CCAR1: variants seen among roughly 807,000 people sequenced by gnomAD.
The protein encoded by CCAR1 is cell division cycle and apoptosis regulator protein 1.
A neutral mutation model predicts 163.8 loss-of-function variants in CCAR1; 78 were observed. That is an observed-to-expected ratio of 0.48 (90% CI 0.40 to 0.57). CCAR1 has a LOEUF of 0.57. Ranked by LOEUF, CCAR1 falls within the 20% of genes least tolerant of loss-of-function variation. CCAR1 has a pLI of 0.00. For missense variants in CCAR1, 1,019 were observed against 1,365.2 expected (o/e 0.75, Z 4.00); for synonymous variants, 443 against 460.7 (o/e 0.96, Z 0.49).
At chr10:68,742,140 C>T (rs1254151969) in intron 5 of CCAR1, among the ~76,000 whole-genome samples, 1 of 152,076 alleles carries the variant, frequency 6.6e-6, no homozygotes, top group Non-Finnish European at 1.5e-5. Flanking sequence ...TTTCCTAAGC[C>T]TTTATTATGC....
chr10:68,749,637 G>A lies in CCAR1; in HGVS notation c.1070G>A (p.Arg357His), dbSNP rs767729481. The change falls in exon 10 of 25, where the codon CGT (arginine) becomes CAT (histidine). Residue 357 changes from arginine to histidine, a missense_variant. By Grantham distance (29) the Arg-to-His change is conservative (BLOSUM62 0). Around this residue, in one of 4 missense-constraint regions of CCAR1, gnomAD observed 644 missense variants for 904.4 expected, o/e 0.71. Transcript: ENST00000265872. ...ERERSPRRVR[R>H]VVPRYTVQFS... ...GAGCGATCACCTCGGAGAGTTCGAC[G>A]TGTTGTTCCACGTTACACAGTTCAG... 1.7e-5 allele frequency: 27 copies of A among 1,613,992 alleles called. No homozygotes were observed. Among genetic ancestry groups the A allele is most frequent in the Middle Eastern group, 1.6e-4 (1 of 6,062 alleles).
chr10:68,754,455 G>A (rs749938667), intron 11 of CCAR1, among the ~76,000 whole-genome samples: 7 of 152,152 alleles, frequency 4.6e-5, no homozygotes, highest in Non-Finnish European at 1.0e-4. Flanking sequence ...TTTGTTTAAA[G>A]CATTGTGTGA....
chr10:68,722,999 C>A (rs1444929345), intron 2 of CCAR1, among the ~76,000 whole-genome samples: 1 of 152,022 alleles, frequency 6.6e-6, no homozygotes, highest in East Asian at 1.9e-4. Context: ...ATTGTGAATT[C>A]ATTAACTTTC....
At chr10:68,775,997 A>C (rs1293454107) in intron 19 of CCAR1, among the ~76,000 whole-genome samples, 1 of 150,824 alleles carries the variant, frequency 6.6e-6, no homozygotes, top group Non-Finnish European at 1.5e-5. Flanking sequence ...GCCCAGCCTA[A>C]TTTTTGTATT....
At chr10:68,764,369 A>AC (rs545664146) in intron 16 of CCAR1, among the ~76,000 whole-genome samples, 13 of 144,410 alleles carry the variant, frequency 9.0e-5, no homozygotes, top group African/African-American at 2.9e-4. Flanking sequence ...ACTTCGTGAG[A>AC]CCCCATCTCT....
At chr10:68,754,101 A>C (rs1488479943) in intron 11 of CCAR1, 24 bp downstream of exon 11, 5 of 1,471,838 alleles carry the variant, frequency 3.4e-6, no homozygotes, top group African/African-American at 2.8e-5. Context: ...TGTGATATGC[A>C]GCTTAAATTT....
chr10:68,722,457 C>A lies in CCAR1; in HGVS notation c.-48C>A. 2 of 1,409,608 alleles carry A rather than the reference C, an allele frequency of 1.4e-6. No homozygotes were observed. The highest frequency in any genetic ancestry group is 1.2e-5 in the South Asian group (1 of 86,916). The allele number at this position is 1,409,608 out of a possible 1,614,324, so 87.3% of individuals were successfully genotyped here. ...AATGTGGATCCTTTTCTTGATAGAT[C>A]GATGCTATAGAAGACAAACAAGGGA... On this transcript the variant is annotated splice_region_variant and 5_prime_UTR_variant, in exon 2 of 25. An upstream open reading frame in the 5' UTR gains an earlier in-frame stop. Coordinates refer to ENST00000265872, the MANE Select transcript of CCAR1 (RefSeq NM_018237.4).
At chr10:68,739,990 A>G in intron 4 of CCAR1, among the ~76,000 whole-genome samples, 1 of 152,204 alleles carries the variant, frequency 6.6e-6, no homozygotes, top group East Asian at 1.9e-4. Flanking sequence ...ATTACAGAAA[A>G]ACCATACATC....
intron 19 of CCAR1, among the ~76,000 whole-genome samples, chr10:68,779,975 G>A (rs570666630): frequency 3.9e-4 from 60 of 152,068 alleles, no homozygotes; most frequent in Admixed American, 9.2e-4. Context: ...GAAAAAATAG[G>A]ACATGATCAC....
At chr10:68,721,418 G>C in intron 1 of CCAR1, 136 bp downstream of exon 1, 3 of 294,194 alleles carry the variant, frequency 1.0e-5, no homozygotes, top group South Asian at 4.8e-5. Context: ...TGGGGCTCTT[G>C]TGGGACTGGG....
intron 4 of CCAR1, among the ~76,000 whole-genome samples, chr10:68,738,932 TTAAAA>T (rs1176216436): frequency 6.6e-6 from 1 of 151,966 alleles, no homozygotes. Context: ...CTGTAAAAAA[TTAAAA>T]TAAATAAAAT....
chr10:68,747,818 A>G (rs941168714), intron 8 of CCAR1, among the ~76,000 whole-genome samples: 2 of 152,098 alleles, frequency 1.3e-5, no homozygotes, highest in Non-Finnish European at 1.5e-5. Flanking sequence ...ACCACATCAA[A>G]TGAATTTGCT....
intron 2 of CCAR1, among the ~76,000 whole-genome samples, chr10:68,729,622 G>T (rs1196988523): frequency 6.6e-6 from 1 of 151,344 alleles, no homozygotes; most frequent in Non-Finnish European, 1.5e-5. Flanking sequence ...CTTGATTCCA[G>T]GAGTTTGAGA....
chr10:68,733,873 A>T (rs1386313702), intron 2 of CCAR1, among the ~76,000 whole-genome samples: 1 of 152,116 alleles, frequency 6.6e-6, no homozygotes, highest in Non-Finnish European at 1.5e-5. Context: ...CATGTTGGCC[A>T]TGCTGGTCTC....
intron 17 of CCAR1, among the ~76,000 whole-genome samples, chr10:68,770,167 CT>C (rs563883821): frequency 8.6e-4 from 131 of 152,176 alleles, no homozygotes; most frequent in African/African-American, 3.1e-3. Context: ...ACTATTCTCT[CT>C]TGTTATACTC....
chr10:68,740,633 A>G lies in CCAR1; in HGVS notation c.296A>G (p.Gln99Arg), dbSNP rs760027508. 1 of 1,611,310 alleles carries G rather than the reference A, an allele frequency of 6.2e-7. No homozygotes were observed. The highest frequency in any genetic ancestry group is 8.5e-7 in the Non-Finnish European group (1 of 1,178,618). Reference protein sequence around the residue: ...QALYSVQQQLQQPQQTLLTQP... With the variant: ...QALYSVQQQLRQPQQTLLTQP... ...TGTTTATTTTTCTGTTTTCAGTTACAGCAACCCCAGCAAACCCTCTTAACA... is the reference window on the plus strand; with the variant it reads ...TGTTTATTTTTCTGTTTTCAGTTACGGCAACCCCAGCAAACCCTCTTAACA... The change falls in exon 5 of 25, where the codon CAG becomes CGG. Residue 99 changes from glutamine (Q) to arginine (R), a missense_variant. Around this residue, in one of 4 missense-constraint regions of CCAR1, gnomAD observed 644 missense variants for 904.4 expected, o/e 0.71. Coordinates refer to ENST00000265872, the MANE Select transcript of CCAR1 (RefSeq NM_018237.4).
chr10:68,745,075 G>A lies in CCAR1; in HGVS notation c.519-2086G>A, dbSNP rs529192886. Among the ~76,000 whole-genome samples the A allele has an allele frequency of 1.6e-4, 25 of 152,030 alleles. No individual in the cohort carries two copies. In the South Asian group the frequency reaches 4.2e-3, roughly 25 times the overall value. ...GGCAAGAGTGCAGTGGTGCAATCTTGGCTCACTGTAACCTCCGCCTTCTGG... is the reference window on the plus strand; with the variant it reads ...GGCAAGAGTGCAGTGGTGCAATCTTAGCTCACTGTAACCTCCGCCTTCTGG... On this transcript the variant is annotated intron_variant, in intron 6 of 24. Coordinates refer to ENST00000265872, the MANE Select transcript of CCAR1 (RefSeq NM_018237.4).
intron 19 of CCAR1, among the ~76,000 whole-genome samples, chr10:68,780,464 A>G (rs115596868): frequency 0.018 from 2,668 of 152,314 alleles, 77 homozygotes; most frequent in African/African-American, 0.06. Flanking sequence ...AAGCGATGTG[A>G]TGACAGGTAT....
Position 68,756,577 on chromosome 10 carries a change from ATGGAGGAACATAAC to A in CCAR1, c.1836+98_1836+111del, listed in dbSNP as rs1472729225. On this transcript the variant is annotated intron_variant, in intron 14 of 24. Coordinates refer to ENST00000265872, the MANE Select transcript of CCAR1 (RefSeq NM_018237.4). This position sits in a 1 kb window ranked among gnomAD's most constrained non-coding sequence, Gnocchi z 5.1. ...ACCACACACTACATAATAAACACAC[ATGGAGGAACATAAC>A]TGGTAACAGCGACTGGTAATCCAGC... 1.1e-6 allele frequency: 1 copy of A among 943,230 alleles called. No homozygotes were observed. Among genetic ancestry groups the A allele is most frequent in the African/African-American group, 1.6e-5 (1 of 61,518 alleles). 58.4% of individuals were successfully genotyped at this position (943,230 alleles called of 1,614,324 possible). A position where few individuals can be genotyped will look rare whatever the true frequency, so the allele number is the denominator to read the frequency against.
Sources: allele counts gnomAD v4.1 joint callset (sites outside exome capture counted in the v4.1 genomes callset), GRCh38; gene constraint gnomAD v4.1.1; regional missense constraint gnomAD v4.1.1; non-coding constraint Gnocchi (gnomAD v3.1); transcripts MANE v1.5; gene names NCBI Gene and HGNC (gene_info 2026-07-23, HGNC 2026-07-21).